MARCHF1: variants seen among roughly 807,000 people sequenced by gnomAD.
The protein encoded by MARCHF1 is E3 ubiquitin-protein ligase MARCHF1.
A neutral mutation model predicts 54.2 loss-of-function variants in MARCHF1; 40 were observed. The observed-to-expected ratio is 0.74, with a 90% confidence interval of 0.57 to 0.96. The LOEUF is 0.96. Ranked by LOEUF, MARCHF1 falls within the 40% of genes least tolerant of loss-of-function variation. The pLI, the probability that MARCHF1 is intolerant of heterozygous loss-of-function variation, is 0.00. For missense variants in MARCHF1, 586 were observed against 656.5 expected (o/e 0.89, Z 1.17); for synonymous variants, 236 against 236.3 (o/e 1.00, Z 0.01).
Position 163,854,168 on chromosome 4 carries a change from T to A in MARCHF1, c.-37A>T. The A allele has an allele frequency of 6.6e-7, 1 of 1,504,698 alleles. No individual in the cohort carries two copies. Among genetic ancestry groups the A allele is most frequent in the South Asian group, 1.3e-5 (1 of 79,712 alleles). 93.2% of individuals were successfully genotyped at this position (1,504,698 alleles called of 1,614,324 possible). A position where few individuals can be genotyped will look rare whatever the true frequency, so the allele number is the denominator to read the frequency against. The stretch of plus-strand genomic sequence containing the variant: ...TCTTATCCCTTTTCAATTTCTGAAA[T>A]TCTGAAAATAATTTACATTCCCTGA... On this transcript the variant is annotated splice_region_variant and 5_prime_UTR_variant, in exon 4 of 10. Coordinates refer to ENST00000514618, the MANE Select transcript of MARCHF1 (RefSeq NM_001394959.1).
intron 1 of MARCHF1, among the ~76,000 whole-genome samples, chr4:164,207,822 G>A (rs1485707397): frequency 6.6e-6 from 1 of 152,162 alleles, no homozygotes; most frequent in Non-Finnish European, 1.5e-5. Context: ...CTTTCGGAGG[G>A]TGGAGAGTGG....
intron 2 of MARCHF1, among the ~76,000 whole-genome samples, chr4:164,099,970 TA>T (rs1269210671): frequency 6.6e-6 from 1 of 152,148 alleles, no homozygotes; most frequent in Non-Finnish European, 1.5e-5. Context: ...TGAGAAGGAA[TA>T]AATAAATAAA....
intron 4 of MARCHF1, among the ~76,000 whole-genome samples, chr4:163,831,300 T>C (rs914067506): frequency 1.3e-5 from 2 of 152,126 alleles, no homozygotes; most frequent in Admixed American, 6.5e-5. Flanking sequence ...AAGTCCAAGA[T>C]TGGCCAGACA....
intron 1 of MARCHF1, among the ~76,000 whole-genome samples, chr4:164,278,638 T>A (rs1432326623): frequency 1.3e-5 from 2 of 152,176 alleles, no homozygotes; most frequent in Non-Finnish European, 2.9e-5. Flanking sequence ...CTCCTTAGTG[T>A]ATGTTTTTGA....
At chr4:164,054,403 G>C (rs993935305) in intron 2 of MARCHF1, among the ~76,000 whole-genome samples, 3 of 151,510 alleles carry the variant, frequency 2.0e-5, no homozygotes, top group Admixed American at 2.0e-4. Flanking sequence ...AATACCATTT[G>C]ACCCAGCCAT....
At chr4:163,634,412 C>A (rs1479444197) in intron 5 of MARCHF1, among the ~76,000 whole-genome samples, 1 of 144,958 alleles carries the variant, frequency 6.9e-6, no homozygotes, top group Non-Finnish European at 1.5e-5. Flanking sequence ...ATCTACCAAG[C>A]AAATGGAAAA....
chr4:163,830,592 T>C (rs1748990670), intron 4 of MARCHF1, among the ~76,000 whole-genome samples: 1 of 152,008 alleles, frequency 6.6e-6, no homozygotes, highest in African/African-American at 2.4e-5. Flanking sequence ...GTAGCTAGGG[T>C]TCTAGGTGCA....
chr4:163,788,371 ATT>A (rs1329162019), intron 4 of MARCHF1, among the ~76,000 whole-genome samples: 2 of 152,010 alleles, frequency 1.3e-5, no homozygotes, highest in Non-Finnish European at 2.9e-5. Flanking sequence ...TTGGTATCAT[ATT>A]AACTAAACTA....
chr4:164,154,970 G>A (rs1009816994), intron 1 of MARCHF1, among the ~76,000 whole-genome samples: 1 of 152,132 alleles, frequency 6.6e-6, no homozygotes, highest in Admixed American at 6.5e-5. Context: ...TCTTCCCCTG[G>A]AGTTTGGCCA....
intron 4 of MARCHF1, among the ~76,000 whole-genome samples, chr4:163,714,517 A>G (rs776737469): frequency 1.3e-5 from 2 of 152,224 alleles, no homozygotes; most frequent in Non-Finnish European, 2.9e-5. Flanking sequence ...AATCACATTT[A>G]CTTTCTTTAA....
At chr4:164,292,589 A>G (rs1734310633) in intron 1 of MARCHF1, among the ~76,000 whole-genome samples, 1 of 152,218 alleles carries the variant, frequency 6.6e-6, no homozygotes, top group South Asian at 2.1e-4. Context: ...GTCATGCCAC[A>G]AGGATTAACA....
intron 3 of MARCHF1, among the ~76,000 whole-genome samples, chr4:163,968,468 C>T (rs1453467659): frequency 2.0e-5 from 3 of 152,112 alleles, no homozygotes; most frequent in East Asian, 1.9e-4. Flanking sequence ...ATGTCTTTCT[C>T]GAAAACTCAG....
At chr4:164,196,050 G>T (rs551833166) in intron 1 of MARCHF1, among the ~76,000 whole-genome samples, 2 of 152,098 alleles carry the variant, frequency 1.3e-5, no homozygotes, top group South Asian at 4.2e-4. Flanking sequence ...ACTGATAAAG[G>T]TATTATTGAT....
chr4:163,816,961 A>C (rs1313404489), intron 4 of MARCHF1, among the ~76,000 whole-genome samples: 1 of 151,968 alleles, frequency 6.6e-6, no homozygotes, highest in East Asian at 1.9e-4. Context: ...GGTTCAACCT[A>C]ATTTGCTTGG....
At chr4:164,181,016 T>A (rs570351236) in intron 1 of MARCHF1, among the ~76,000 whole-genome samples, 3 of 152,298 alleles carry the variant, frequency 2.0e-5, no homozygotes, top group African/African-American at 7.2e-5. Context: ...CATCATCTCA[T>A]TTCCTTATTT....
chr4:163,965,598 C>T (rs1185842925), intron 3 of MARCHF1, among the ~76,000 whole-genome samples: 1 of 152,016 alleles, frequency 6.6e-6, no homozygotes, highest in Non-Finnish European at 1.5e-5. Flanking sequence ...TTATCTCTGT[C>T]TTGTCTCTAG....
In MARCHF1 at chr4:164,370,856, C is replaced by T. The variant is rs976956363; in HGVS notation, c.-323+13014G>A. 7.9e-5 allele frequency among the ~76,000 whole-genome samples: 12 copies of T among 152,024 alleles called. No individual in the cohort carries two copies. In the East Asian group the frequency reaches 2.3e-3, roughly 29 times the overall value. ...CCGGGAGGCGGAGGTTGCATTGAGC[C>T]GAGATCTTGCCACCACCCTCTAGCC... is the stretch of plus-strand genomic sequence containing the variant. On this transcript the variant is annotated intron_variant, in intron 1 of 9. Transcript: ENST00000514618.
intron 3 of MARCHF1, among the ~76,000 whole-genome samples, chr4:163,902,220 A>G (rs1412813963): frequency 6.6e-6 from 1 of 152,236 alleles, no homozygotes; most frequent in African/African-American, 2.4e-5. Context: ...TAGATCCCAC[A>G]GGGGTCTCTC....
chr4:163,976,432 A>C (rs763217190), intron 3 of MARCHF1, among the ~76,000 whole-genome samples: 1 of 152,184 alleles, frequency 6.6e-6, no homozygotes, highest in Non-Finnish European at 1.5e-5. Context: ...ATACAAAAGA[A>C]GAAATATAAA....
Sources: gnomAD v4.1 joint callset for allele counts (sites outside exome capture counted in the v4.1 genomes callset) on GRCh38, gnomAD v4.1.1 for gene constraint, MANE v1.5 for transcripts, NCBI Gene and HGNC (gene_info 2026-07-23, HGNC 2026-07-21) for gene names.